C4orf36: variants seen among roughly 807,000 people sequenced by gnomAD.
C4orf36 encodes uncharacterized protein C4orf36.
A neutral mutation model predicts 12.2 loss-of-function variants in C4orf36; 11 were observed. The ratio of observed to expected loss-of-function variants is 0.90; its 90% CI spans 0.57 to 1.49. C4orf36 has a LOEUF of 1.49. Among genes scored for constraint, C4orf36 ranks in the 40% most tolerant of loss-of-function variants. C4orf36 has a pLI of 0.00. For synonymous variants in C4orf36, 54 were observed against 51.3 expected, an observed-to-expected ratio of 1.05 and a Z score of -0.22; for missense variants, 137 against 133.9, an observed-to-expected ratio of 1.02 and a Z score of -0.11.
At chr4:86,908,373 T>G in the C4orf36 span, among the ~76,000 whole-genome samples, 2 of 152,090 alleles carry the variant, frequency 1.3e-5, no homozygotes, top group Admixed American at 6.5e-5. Flanking sequence ...TAACTACAAG[T>G]TCTATTTTGG....
At chr4:86,880,337 T>C (rs995252524) in intron 4 of C4orf36, among the ~76,000 whole-genome samples, 10 of 152,066 alleles carry the variant, frequency 6.6e-5, no homozygotes, top group African/African-American at 2.4e-4. Context: ...CCAGGCGTGG[T>C]GGTGCTACTT....
chr4:86,891,603 T>A lies in C4orf36; in HGVS notation c.-73-10A>T. On this transcript the variant is annotated splice_polypyrimidine_tract_variant and intron_variant, in intron 1 of 4. Coordinates refer to ENST00000295898, the MANE Select transcript of C4orf36 (RefSeq NM_144645.4). ...ACTCTGTTCACTTTACCTGAAATGA[T>A]GGCAACGCACCTAATTAATGCCTCT... 1.2e-6 allele frequency: 2 copies of A among 1,603,098 alleles called. No homozygotes were observed. Among genetic ancestry groups the A allele is most frequent in the Non-Finnish European group, 8.5e-7 (1 of 1,174,106 alleles).
chr4:86,879,395 G>T lies in C4orf36; in HGVS notation c.*3-2952C>A, dbSNP rs1746994615. On this transcript the variant is annotated intron_variant, in intron 4 of 4. Coordinates refer to ENST00000295898, the MANE Select transcript of C4orf36 (RefSeq NM_144645.4). ...TCTGGAGCTGAAGAATACAATAACT[G>T]AATTTTAAAATTCACTAGAGGAGTT... Among the ~76,000 whole-genome samples the T allele has an allele frequency of 2.6e-5, 4 of 152,222 alleles. No individual in the cohort carries two copies. In the South Asian group the frequency reaches 8.3e-4, roughly 32 times the overall value.
At chr4:86,914,189 A>G in the C4orf36 span, 2 of 1,592,442 alleles carry the variant, frequency 1.3e-6, no homozygotes, top group Non-Finnish European at 1.7e-6. Flanking sequence ...ACTACTTCAC[A>G]AAAGTAGCTG....
chr4:86,908,180 C>CAT, the C4orf36 span, among the ~76,000 whole-genome samples: 1 of 84,316 alleles, frequency 1.2e-5, no homozygotes, highest in African/African-American at 6.5e-5. Context: ...CACACACACA[C>CAT]ACACACACAC....
At chr4:86,906,524 T>G in the C4orf36 span, among the ~76,000 whole-genome samples, 9 of 151,784 alleles carry the variant, frequency 5.9e-5, 1 homozygote, top group African/African-American at 2.2e-4. Flanking sequence ...GGCCCGGAGT[T>G]CGAGACCAGC....
chr4:86,935,044 C>A, the C4orf36 span: 1 of 151,938 alleles, frequency 6.6e-6, no homozygotes, highest in Non-Finnish European at 1.5e-5. Context: ...CGCGCGGCCC[C>A]TGCGCACTCG....
At chr4:86,936,081 A>C in the C4orf36 span, 1 of 152,128 alleles carries the variant, frequency 6.6e-6, no homozygotes, top group Non-Finnish European at 1.5e-5. Context: ...GAGCTTCTCC[A>C]CCACCAGCAC....
Position 86,892,268 on chromosome 4 carries a change from G to T in C4orf36, c.-159C>A. 1.0e-6 allele frequency: 1 copy of T among 985,868 alleles called. No individual in the cohort carries two copies. Among genetic ancestry groups the T allele is most frequent in the South Asian group, 4.7e-5 (1 of 21,296 alleles). The allele number at this position is 985,868 out of a possible 1,614,324, so 61.1% of individuals were successfully genotyped here. On this transcript the variant is annotated 5_prime_UTR_variant, in exon 1 of 5. Transcript: ENST00000295898. ...TGGCGGGTCCCCGCGAGCCGGCGCC[G>T]GCGGCCTGGTTACCCGGGCTCCAGG... is the stretch of plus-strand genomic sequence containing the variant.
rs192547875 is a variant in C4orf36 at position 86,883,594 on chromosome 4, A to G, written c.*2+4164T>C. 8.3e-4 allele frequency among the ~76,000 whole-genome samples: 126 copies of G among 152,332 alleles called. 1 individual carries two copies. The highest frequency in any genetic ancestry group is 8.1e-3 in the Admixed American group (124 of 15,296). On this transcript the variant is annotated intron_variant, in intron 4 of 4. Coordinates refer to ENST00000295898, the MANE Select transcript of C4orf36 (RefSeq NM_144645.4). ...TCCCCATTTTACAAATGAGAAAACAAACACAGAAACAAGGTAACTTATCCC... is the reference window on the plus strand; with the variant it reads ...TCCCCATTTTACAAATGAGAAAACAGACACAGAAACAAGGTAACTTATCCC...
rs781028990 is a variant in C4orf36 at position 86,891,497 on chromosome 4, C to T, written c.24G>A (p.Lys8=). 27 of 1,613,732 alleles carry T rather than the reference C, an allele frequency of 1.7e-5. No individual in the cohort carries two copies. Among genetic ancestry groups the T allele is most frequent in the Middle Eastern group, 3.3e-4 (2 of 6,084 alleles). The change falls in exon 2 of 5, where the codon AAG becomes AAA. Residue 8 remains lysine, a synonymous_variant. Coordinates refer to ENST00000295898, the MANE Select transcript of C4orf36 (RefSeq NM_144645.4). ...CCCGCAAAATGGTTTTCACTGTGTT[C>T]TTTCTTGGCACTCCATACGCCATGG... The part of the protein sequence containing the change: MAYGVPR[K]NTVKTILRGS...
At chr4:86,930,266 C>T in the C4orf36 span, among the ~76,000 whole-genome samples, 2 of 152,210 alleles carry the variant, frequency 1.3e-5, no homozygotes. Flanking sequence ...GCATGAAAAC[C>T]CCATTGCCAG....
the C4orf36 span, chr4:86,935,237 G>A: frequency 6.6e-6 from 1 of 152,484 alleles, no homozygotes; most frequent in Middle Eastern, 3.4e-3. Flanking sequence ...GAAGGGTCTG[G>A]AAGGTGAGCG....
the C4orf36 span, among the ~76,000 whole-genome samples, chr4:86,917,486 G>T: frequency 1.0e-5 from 1 of 96,112 alleles, no homozygotes; most frequent in Non-Finnish European, 2.5e-5. Flanking sequence ...TAAAGAAAAA[G>T]AAAGGGAGAG....
At chr4:86,877,152 T>C (rs550518348) in intron 4 of C4orf36, among the ~76,000 whole-genome samples, 43 of 152,330 alleles carry the variant, frequency 2.8e-4, no homozygotes, top group African/African-American at 9.9e-4. Context: ...CAGCTGGAGA[T>C]TGTTAATTTT....
At chr4:86,892,087 C>A in intron 1 of C4orf36, 96 bp downstream of exon 1, 1 of 985,846 alleles carries the variant, frequency 1.0e-6, no homozygotes, top group Non-Finnish European at 1.2e-6. Context: ...ACGCGCAGGG[C>A]CCGGGAGGAA....
intron 4 of C4orf36, among the ~76,000 whole-genome samples, chr4:86,885,482 C>T (rs11930611): frequency 0.044 from 6,617 of 152,106 alleles, 505 homozygotes; most frequent in African/African-American, 0.15. Flanking sequence ...AGTTCATTCA[C>T]GATTTGGCTC....
the C4orf36 span, among the ~76,000 whole-genome samples, chr4:86,924,178 C>T: frequency 6.6e-6 from 1 of 152,188 alleles, no homozygotes; most frequent in African/African-American, 2.4e-5. Context: ...GTATCTGTGA[C>T]CATAGGCGCA....
At chr4:86,905,049 A>C in the C4orf36 span, among the ~76,000 whole-genome samples, 5 of 151,728 alleles carry the variant, frequency 3.3e-5, no homozygotes, top group African/African-American at 1.2e-4. Flanking sequence ...CAGTCTAGGC[A>C]ACATAATGAG....
Sources: allele counts gnomAD v4.1 joint callset (sites outside exome capture counted in the v4.1 genomes callset), GRCh38; gene constraint gnomAD v4.1.1; transcripts MANE v1.5; gene names NCBI Gene and HGNC (gene_info 2026-07-23, HGNC 2026-07-21).